HUS1: variants seen among roughly 807,000 people sequenced by gnomAD.
HUS1 encodes checkpoint protein HUS1.
A neutral mutation model predicts 32.6 loss-of-function variants in HUS1; 31 were observed. That is an observed-to-expected ratio of 0.95 (90% CI 0.72 to 1.28). The LOEUF (loss-of-function observed/expected upper bound fraction) is 1.28, where lower values mean the gene tolerates loss of function less well. HUS1 is among the 50% of genes most tolerant of loss of function. The pLI, the probability that HUS1 is intolerant of heterozygous loss-of-function variation, is 0.00. For synonymous variants in HUS1, 123 were observed against 116.6 expected (o/e 1.06, Z -0.36); for missense variants, 340 against 337.7 (o/e 1.01, Z -0.05).
Position 47,978,455 on chromosome 7 carries a change from T to G in HUS1, c.319A>C (p.Asn107His), listed in dbSNP as rs1462366176. The stretch of plus-strand genomic sequence containing the variant: ...ACCGTGAGGCAGGGAAAGTGTTTAT[T>G]AGTCAGTTTGATTTTCAAAGCCCTG... ...NARALKIKLTNKHFPCLTVSV... is the reference protein window; with the variant it reads ...NARALKIKLTHKHFPCLTVSV... Residue 107 changes from asparagine to histidine, a missense_variant, in exon 3 of 8, where the codon AAT becomes CAT. Transcript: ENST00000258774. 1 of 1,614,124 alleles carries G rather than the reference T, an allele frequency of 6.2e-7. No individual in the cohort carries two copies. The highest frequency in any genetic ancestry group is 2.2e-5 in the East Asian group (1 of 44,904).
chr7:47,966,584 G>T (rs965624608), intron 7 of HUS1, among the ~76,000 whole-genome samples: 1 of 152,198 alleles, frequency 6.6e-6, no homozygotes, highest in Non-Finnish European at 1.5e-5. Context: ...CACTGTGCTT[G>T]TCAGGACCAA....
In HUS1 at chr7:47,969,213, A is replaced by G; in HGVS notation, c.640+6T>C. 1 of 1,446,536 alleles carries G rather than the reference A, an allele frequency of 6.9e-7. No individual in the cohort carries two copies. Among genetic ancestry groups the G allele is most frequent in the Non-Finnish European group, 9.6e-7 (1 of 1,041,230 alleles). The allele number at this position is 1,446,536 out of a possible 1,614,324, so 89.6% of individuals were successfully genotyped here. On this transcript the variant is annotated splice_donor_region_variant and intron_variant, in intron 6 of 7. Coordinates refer to ENST00000258774, the MANE Select transcript of HUS1 (RefSeq NM_004507.4). ...AAAGCAAAATATAACCCACTAGAAA[A>G]CTTACCTAATGGAGGATTTCCAAGA...
At position 47,964,826 on chromosome 7, in the gene HUS1, G is replaced by C. The variant is rs1230336684; in HGVS notation, c.*530C>G. On this transcript the variant is annotated 3_prime_UTR_variant, in exon 8 of 8. Coordinates refer to ENST00000258774, the MANE Select transcript of HUS1 (RefSeq NM_004507.4). ...GAGAGAGACTCCAAATGCTGCAGCT[G>C]TGACACCCCACAGTGCTCTGAGTAA... 1 of 153,304 alleles carries C rather than the reference G, an allele frequency of 6.5e-6. No homozygotes were observed. The highest frequency in any genetic ancestry group is 2.4e-5 in the African/African-American group (1 of 41,460). 9.5% of individuals were successfully genotyped at this position (153,304 alleles called of 1,614,324 possible).
chr7:47,977,226 G>A (rs756298344), intron 3 of HUS1, among the ~76,000 whole-genome samples: 10 of 152,268 alleles, frequency 6.6e-5, no homozygotes, highest in South Asian at 6.2e-4. Context: ...ACCAAAAGCA[G>A]GAGAAGCAGC....
intron 7 of HUS1, among the ~76,000 whole-genome samples, chr7:47,966,822 AC>A (rs1290124372): frequency 6.6e-6 from 1 of 151,930 alleles, no homozygotes; most frequent in Non-Finnish European, 1.5e-5. Flanking sequence ...CAGGTACCTC[AC>A]CCCAAAACTC....
At position 47,975,619 on chromosome 7, in the gene HUS1, A is replaced by G; in HGVS notation, c.534T>C (p.Asn178=). 1 of 1,598,326 alleles carries G rather than the reference A, an allele frequency of 6.3e-7. No individual in the cohort carries two copies. Among genetic ancestry groups the G allele is most frequent in the Non-Finnish European group, 8.6e-7 (1 of 1,166,194 alleles). The stretch of plus-strand genomic sequence containing the variant: ...TAAAGAAGTTGTGACTTACAAGGTG[A>G]TTGCTGATGTTTTTCATTTTTTCCA... The part of the protein sequence containing the change: ...SVVEKMKNIS[N]HLVIEANLDG... The change falls in exon 5 of 8, where the codon AAT becomes AAC. Residue 178 remains asparagine (N), a synonymous_variant. Transcript: ENST00000258774.
chr7:47,978,246 A>T, intron 3 of HUS1, 171 bp downstream of exon 3: 1 of 558,736 alleles, frequency 1.8e-6, no homozygotes. Flanking sequence ...ACACAATTTT[A>T]AAATGAGGAG....
chr7:47,975,401 G>T (rs1788681754), intron 5 of HUS1, among the ~76,000 whole-genome samples: 2 of 151,330 alleles, frequency 1.3e-5, no homozygotes, highest in Non-Finnish European at 2.9e-5. Context: ...AAATATAAAA[G>T]CTTTCCTCAA....
chr7:47,974,569 G>T (rs1356142279), intron 5 of HUS1, among the ~76,000 whole-genome samples: 1 of 145,452 alleles, frequency 6.9e-6, no homozygotes, highest in Non-Finnish European at 1.5e-5. Flanking sequence ...CTATAAAGGT[G>T]GCCTGGTACA....
At position 47,976,853 on chromosome 7, in the gene HUS1, T is replaced by C; in HGVS notation, c.358-16A>G. On this transcript the variant is annotated splice_polypyrimidine_tract_variant and intron_variant, in intron 3 of 7. Coordinates refer to ENST00000258774, the MANE Select transcript of HUS1 (RefSeq NM_004507.4). The stretch of plus-strand genomic sequence containing the variant: ...ACATAGATAACTGCCAAGAAAAGAA[T>C]TTAAAAATATTTTTATGTTGTTAAT... The C allele has an allele frequency of 6.6e-7, 1 of 1,516,938 alleles. No homozygotes were observed. The highest frequency in any genetic ancestry group is 9.1e-7 in the Non-Finnish European group (1 of 1,093,788). 94.0% of individuals were successfully genotyped at this position (1,516,938 alleles called of 1,614,324 possible).
Position 47,968,050 on chromosome 7 carries a change from T to C in HUS1, c.641-125A>G, listed in dbSNP as rs904731714. On this transcript the variant is annotated intron_variant, in intron 6 of 7. Transcript: ENST00000258774. ...CACTGATTTTAGCATCCTGAAGAAA[T>C]ATTGCAACTTGTAAATGTTGTCATT... The C allele has an allele frequency of 8.9e-6, 8 of 895,592 alleles. No individual in the cohort carries two copies. The East Asian group carries it at 2.1e-4, about 23-fold the overall frequency. 55.5% of individuals were successfully genotyped at this position (895,592 alleles called of 1,614,324 possible).
chr7:47,974,243 G>A (rs1257353683), intron 5 of HUS1, among the ~76,000 whole-genome samples: 2 of 152,236 alleles, frequency 1.3e-5, no homozygotes, highest in African/African-American at 4.8e-5. Context: ...ACACTGGGCA[G>A]CTGGGACACA....
rs756128834 is a variant in HUS1, at chr7:47,975,684, T to G, written c.469A>C (p.Ser157Arg). The G allele has an allele frequency of 6.4e-7, 1 of 1,573,204 alleles. No individual in the cohort carries two copies. ...GTCTTCAAGACTGGTAAATAAATACTAACCTACAAAACCAATGAGAAAAAA... is the reference window on the plus strand; with the variant it reads ...GTCTTCAAGACTGGTAAATAAATACGAACCTACAAAACCAATGAGAAAAAA... ...QEPVVPDPDV[S>R]IYLPVLKTMK... Residue 157 changes from serine (S) to arginine (R), a missense_variant, in exon 5 of 8, where the codon AGT becomes CGT. Coordinates refer to ENST00000258774, the MANE Select transcript of HUS1 (RefSeq NM_004507.4).
At chr7:47,978,303 T>G (rs1162611041) in intron 3 of HUS1, 114 bp downstream of exon 3, 1 of 918,832 alleles carries the variant, frequency 1.1e-6, no homozygotes, top group Admixed American at 2.4e-5. Context: ...ATCTTTAAAT[T>G]TAAATAAACC....
intron 2 of HUS1, 38 bp from the exon 3 acceptor site, chr7:47,978,631 G>A (rs1583726616): frequency 6.2e-7 from 1 of 1,612,948 alleles, no homozygotes; most frequent in Non-Finnish European, 8.5e-7. Flanking sequence ...GAGGGTATAT[G>A]TGATCTTTCC....
chr7:47,968,280 AAAG>A (rs1450447562), intron 6 of HUS1, among the ~76,000 whole-genome samples: 2 of 152,186 alleles, frequency 1.3e-5, no homozygotes, highest in African/African-American at 4.8e-5. Context: ...TTAAAAAAAA[AAAG>A]AAAACATCCT....
chr7:47,979,391 C>G, intron 1 of HUS1, 77 bp downstream of exon 1: 1 of 1,447,620 alleles, frequency 6.9e-7, no homozygotes, highest in Non-Finnish European at 9.3e-7. Flanking sequence ...CCGTTCTGAT[C>G]CTCCTGCGCG....
chr7:47,975,638 T>C lies in HUS1; in HGVS notation c.515A>G (p.Lys172Arg). The change falls in exon 5 of 8, where the codon AAA (lysine) becomes AGA (arginine). Residue 172 changes from lysine (K) to arginine (R), a missense_variant. By Grantham distance (26) the Lys-to-Arg change is conservative. Coordinates refer to ENST00000258774, the MANE Select transcript of HUS1 (RefSeq NM_004507.4). ...AAGGTGATTGCTGATGTTTTTCATT[T>C]TTTCCACAACACTCTTCATAGTCTT... is the stretch of plus-strand genomic sequence containing the variant. ...VLKTMKSVVEKMKNISNHLVI... is the reference protein window; with the variant it reads ...VLKTMKSVVERMKNISNHLVI... The C allele has an allele frequency of 6.2e-7, 1 of 1,607,058 alleles. No homozygotes were observed. Among genetic ancestry groups the C allele is most frequent in the Non-Finnish European group, 8.5e-7 (1 of 1,174,154 alleles).
At chr7:47,975,517 G>T (rs1583722733) in intron 5 of HUS1, 96 bp downstream of exon 5, 1 of 771,734 alleles carries the variant, frequency 1.3e-6, no homozygotes, top group Non-Finnish European at 2.3e-6. Flanking sequence ...CGGTTAGGAG[G>T]TGCCCACCTG....
Sources: gnomAD v4.1 joint callset for allele counts (sites outside exome capture counted in the v4.1 genomes callset) on GRCh38, gnomAD v4.1.1 for gene constraint, MANE v1.5 for transcripts, NCBI Gene and HGNC (gene_info 2026-07-23, HGNC 2026-07-21) for gene names.